The following ST14 variants were observed in gnomAD, a reference collection of about 807,000 sequenced individuals.
ST14 encodes the protein suppressor of tumorigenicity 14 protein.
In ST14, 40 loss-of-function variants were observed where a neutral mutation model predicts 96.5. The ratio of observed to expected loss-of-function variants is 0.41; its 90% CI spans 0.32 to 0.54. ST14 has a LOEUF of 0.54. ST14 is among the 20% of genes least tolerant of loss of function. The pLI is 0.17. For synonymous variants in ST14, 506 were observed against 492.1 expected, an observed-to-expected ratio of 1.03 and a Z score of -0.37; for missense variants, 1,066 against 1,188.9, an observed-to-expected ratio of 0.90 and a Z score of 1.52.
intron 1 of ST14, among the ~76,000 whole-genome samples, chr11:130,182,737 C>A (rs867546295): frequency 1.3e-5 from 2 of 151,120 alleles, no homozygotes; most frequent in African/African-American, 4.9e-5. Context: ...GCAATCTCCG[C>A]CTCCCAGGTT....
intron 1 of ST14, among the ~76,000 whole-genome samples, chr11:130,171,720 C>G (rs1953093724): frequency 6.6e-6 from 1 of 152,232 alleles, no homozygotes; most frequent in African/African-American, 2.4e-5. Flanking sequence ...CTCCTTAGTA[C>G]TTCCTGTTCA....
chr11:130,173,316 G>A (rs1953109332), intron 1 of ST14, among the ~76,000 whole-genome samples: 1 of 152,192 alleles, frequency 6.6e-6, no homozygotes, highest in African/African-American at 2.4e-5. Context: ...CAAACTGAAA[G>A]GCTGGGCGCG....
rs544542828 is a variant in ST14, at chr11:130,176,419, C to T, written c.82-11695C>T. On this transcript the variant is annotated intron_variant, in intron 1 of 18. Coordinates refer to ENST00000278742, the MANE Select transcript of ST14 (RefSeq NM_021978.4). ...CTTTTTCTTTTTTCAGACAGAGTCTCGCTGTGTTGCCCAGGCTGGAGTGCC... is the reference window on the plus strand; with the variant it reads ...CTTTTTCTTTTTTCAGACAGAGTCTTGCTGTGTTGCCCAGGCTGGAGTGCC... 1.3e-4 allele frequency among the ~76,000 whole-genome samples: 20 copies of T among 150,798 alleles called. No individual in the cohort carries two copies. In the South Asian group the frequency reaches 1.7e-3, roughly 13 times the overall value.
In ST14 at chr11:130,208,687, A is replaced by G. The variant is rs562346233; in HGVS notation, c.2269+3A>G. 1.7e-4 allele frequency: 272 copies of G among 1,612,220 alleles called. 5 individuals are homozygous for G. The South Asian group carries it at 2.8e-3, about 16-fold the overall frequency. ...CTGGGGACACACCCAGTATGGAGGT[A>G]AGCTTCGGGCTGACCTAGGGCTCCG... On this transcript the variant is annotated splice_donor_region_variant and intron_variant, in intron 17 of 18. Coordinates refer to ENST00000278742, the MANE Select transcript of ST14 (RefSeq NM_021978.4).
At chr11:130,166,053 A>T (rs570616109) in intron 1 of ST14, among the ~76,000 whole-genome samples, 2 of 152,362 alleles carry the variant, frequency 1.3e-5, no homozygotes, top group East Asian at 3.9e-4. Context: ...TACAAACATC[A>T]TAGACCAGCT....
rs539052348 is a variant in ST14, at chr11:130,198,397, A to G, written c.1549A>G (p.Asn517Asp). The G allele has an allele frequency of 1.2e-6, 2 of 1,614,126 alleles. No homozygotes were observed. The highest frequency in any genetic ancestry group is 2.7e-5 in the African/African-American group (2 of 75,032). Reference sequence around the variant, plus strand: ...CGACAGTGTGAACGACTGCGGAGACAACAGCGACGAGCAGGGGTGCAGTGA... The same window carrying G: ...CGACAGTGTGAACGACTGCGGAGACGACAGCGACGAGCAGGGGTGCAGTGA... The part of the protein sequence containing the change: ...VCDSVNDCGD[N>D]SDEQGCSCPA... The change falls in exon 13 of 19, where the codon AAC becomes GAC. Residue 517 changes from asparagine (N) to aspartate (D), a missense_variant. Transcript: ENST00000278742.
At chr11:130,206,429 G>A (rs941671656) in intron 16 of ST14, among the ~76,000 whole-genome samples, 5 of 152,112 alleles carry the variant, frequency 3.3e-5, no homozygotes, top group South Asian at 2.1e-4. Context: ...TACTTTGCCC[G>A]GCGTCTCAGC....
intron 1 of ST14, among the ~76,000 whole-genome samples, chr11:130,180,838 T>C (rs181917258): frequency 6.6e-6 from 1 of 152,356 alleles, no homozygotes; most frequent in Admixed American, 6.5e-5. Flanking sequence ...GTGTTTTTTT[T>C]CTTTTCGTTT....
rs147301136 is a variant in ST14, at chr11:130,180,155, C to G, written c.82-7959C>G. Reference sequence around the variant, plus strand: ...GGCACTTGGCAGCAGCACACAAATCCAGCCACCCTGTCCTTGTCTCAGGTC... The same window carrying G: ...GGCACTTGGCAGCAGCACACAAATCGAGCCACCCTGTCCTTGTCTCAGGTC... On this transcript the variant is annotated intron_variant, in intron 1 of 18. Coordinates refer to ENST00000278742, the MANE Select transcript of ST14 (RefSeq NM_021978.4). 3.5e-3 allele frequency among the ~76,000 whole-genome samples: 526 copies of G among 152,270 alleles called. 17 individuals are homozygous for G. In the East Asian group the frequency reaches 0.06, roughly 17 times the overall value.
At chr11:130,161,426 C>T (rs1952997560) in intron 1 of ST14, among the ~76,000 whole-genome samples, 1 of 152,184 alleles carries the variant, frequency 6.6e-6, no homozygotes, top group South Asian at 2.1e-4. Flanking sequence ...CAGGGCAGTC[C>T]GGTGCCCCCA....
intron 1 of ST14, among the ~76,000 whole-genome samples, chr11:130,178,897 G>A (rs1953165467): frequency 1.3e-5 from 2 of 152,216 alleles, no homozygotes; most frequent in Admixed American, 1.3e-4. Flanking sequence ...TCTCCCAGGA[G>A]GAGCTGGAGT....
rs1952985944 is a variant in ST14 at position 130,159,934 on chromosome 11, C to G, written c.-46C>G. ...CCCTGCGGGCCATGGGAGCCGGCCG[C>G]CGGCAGGGACGACGCCTGTGAGACC... On this transcript the variant is annotated 5_prime_UTR_variant, in exon 1 of 19. Coordinates refer to ENST00000278742, the MANE Select transcript of ST14 (RefSeq NM_021978.4). The G allele has an allele frequency of 1.7e-6, 2 of 1,192,340 alleles. No individual in the cohort carries two copies. The highest frequency in any genetic ancestry group is 3.2e-5 in the African/African-American group (2 of 62,622). 73.9% of individuals were successfully genotyped at this position (1,192,340 alleles called of 1,614,324 possible).
chr11:130,209,115 A>G (rs138251744), intron 17 of ST14, among the ~76,000 whole-genome samples: 2 of 152,198 alleles, frequency 1.3e-5, no homozygotes. Context: ...AAGAAAACGA[A>G]CAGGACTTAC....
intron 16 of ST14, among the ~76,000 whole-genome samples, chr11:130,207,991 A>C (rs2136221627): frequency 6.6e-6 from 1 of 152,230 alleles, no homozygotes; most frequent in South Asian, 2.1e-4. Flanking sequence ...TAATCGCTTG[A>C]ACTCGGGAGG....
At chr11:130,209,062 C>T (rs537615697) in intron 17 of ST14, among the ~76,000 whole-genome samples, 2 of 152,304 alleles carry the variant, frequency 1.3e-5, no homozygotes, top group African/African-American at 4.8e-5. Context: ...TGAAAGAATC[C>T]ACTGTACAGC....
rs1004329319 is a variant in ST14, at chr11:130,196,517, G to T, written c.1224-53G>T. ...GGGGAGGGGTCCCACCAGACCCCCA[G>T]CCCCCCGGCTCCCAGCTGTCCCTCC... On this transcript the variant is annotated intron_variant, in intron 10 of 18. Coordinates refer to ENST00000278742, the MANE Select transcript of ST14 (RefSeq NM_021978.4). The T allele has an allele frequency of 3.2e-6, 5 of 1,550,558 alleles. No homozygotes were observed. In the East Asian group the frequency reaches 6.8e-5, roughly 21 times the overall value.
chr11:130,183,123 A>T (rs894175861), intron 1 of ST14, among the ~76,000 whole-genome samples: 2 of 148,914 alleles, frequency 1.3e-5, no homozygotes, highest in Non-Finnish European at 3.0e-5. Context: ...CGCCTGGCTA[A>T]TTTTTTTTGT....
chr11:130,160,671 T>G (rs1952992473), intron 1 of ST14, among the ~76,000 whole-genome samples: 1 of 152,164 alleles, frequency 6.6e-6, no homozygotes, highest in Non-Finnish European at 1.5e-5. Context: ...AACACACATG[T>G]CTTGAGCCTT....
In ST14 at chr11:130,190,651, G is replaced by T. The variant is rs762904867; in HGVS notation, c.832G>T (p.Val278Leu). 1.9e-6 allele frequency: 3 copies of T among 1,605,902 alleles called. No homozygotes were observed. The South Asian group carries it at 3.3e-5, about 18-fold the overall frequency. Reference sequence around the variant, plus strand: ...CGAGCGCGGCAGCGACCTGGTGACGGTGTACAACACCCTGAGCCCCATGGA... The same window carrying T: ...CGAGCGCGGCAGCGACCTGGTGACGTTGTACAACACCCTGAGCCCCATGGA... ...CDERGSDLVTVYNTLSPMEPH... is the reference protein window; with the variant it reads ...CDERGSDLVTLYNTLSPMEPH... The change falls in exon 7 of 19, where the codon GTG (valine) becomes TTG (leucine). Residue 278 changes from valine (V) to leucine (L), a missense_variant. By Grantham distance (32) the Val-to-Leu change is conservative. Coordinates refer to ENST00000278742, the MANE Select transcript of ST14 (RefSeq NM_021978.4).
Sources: allele counts gnomAD v4.1 joint callset (sites outside exome capture counted in the v4.1 genomes callset), GRCh38; gene constraint gnomAD v4.1.1; transcripts MANE v1.5; gene names NCBI Gene and HGNC (gene_info 2026-07-23, HGNC 2026-07-21).